VPS26B: variants seen among roughly 807,000 people sequenced by gnomAD.
The protein encoded by VPS26B is VPS26 retromer complex component B.
Under a neutral mutation model 33.3 loss-of-function variants are expected in VPS26B, and 10 were observed. The observed-to-expected ratio is 0.30, with a 90% CI of 0.19 to 0.51. The LOEUF (loss-of-function observed/expected upper bound fraction) is 0.51, where lower values mean the gene tolerates loss of function less well. Among genes scored for constraint, VPS26B ranks in the 20% least tolerant of loss-of-function variants. The pLI, the probability that VPS26B is intolerant of heterozygous loss-of-function variation, is 0.98. For missense variants in VPS26B, 317 were observed against 452.7 expected (o/e 0.70, Z 2.72); for synonymous variants, 190 against 176.9 (o/e 1.07, Z -0.59).
At position 134,244,706 on chromosome 11, in the gene VPS26B, C is replaced by A; in HGVS notation, c.722-232C>A. The stretch of plus-strand genomic sequence containing the variant: ...GACCTGTGCTGTTCCCACTCAGTTG[C>A]TCTCTGTTTTCGAGAAGACATGAGA... On this transcript the variant is annotated intron_variant, in intron 4 of 5. Coordinates refer to ENST00000281187, the MANE Select transcript of VPS26B (RefSeq NM_052875.5). The surrounding 1 kb of genome is among the most constrained non-coding windows in gnomAD (Gnocchi z 4.0). 3 of 522,458 alleles carry A rather than the reference C, an allele frequency of 5.7e-6. No homozygotes were observed. Among genetic ancestry groups the A allele is most frequent in the Non-Finnish European group, 1.0e-5 (3 of 295,832 alleles). 32.4% of individuals were successfully genotyped at this position (522,458 alleles called of 1,614,324 possible).
intron 1 of VPS26B, among the ~76,000 whole-genome samples, chr11:134,232,147 T>G (rs1938563801): frequency 2.7e-5 from 4 of 149,790 alleles, no homozygotes. Flanking sequence ...CTTACTCAGT[T>G]CCTACTTCTA....
At chr11:134,235,908 C>G (rs1356454386) in intron 2 of VPS26B, among the ~76,000 whole-genome samples, 1 of 152,196 alleles carries the variant, frequency 6.6e-6, no homozygotes, top group Non-Finnish European at 1.5e-5. Context: ...ACACCTGATT[C>G]CAGGTCTTGA....
intron 4 of VPS26B, 36 bp downstream of exon 4, chr11:134,243,330 T>C: frequency 6.2e-7 from 1 of 1,611,300 alleles, no homozygotes; most frequent in Non-Finnish European, 8.5e-7. Context: ...CTACCACAGC[T>C]TTTCTCCCAT....
intron 1 of VPS26B, among the ~76,000 whole-genome samples, chr11:134,226,589 G>A (rs1036321018): frequency 6.6e-6 from 1 of 152,296 alleles, no homozygotes; most frequent in South Asian, 2.1e-4. Context: ...TAGGTTAGGA[G>A]TAGAATCACA....
chr11:134,229,024 TGTTTTTTA>T, intron 1 of VPS26B, among the ~76,000 whole-genome samples: 1 of 152,304 alleles, frequency 6.6e-6, no homozygotes, highest in East Asian at 1.9e-4. Context: ...TTATTTTCTT[TGTTTTTTA>T]TTTAAAAAAT....
At chr11:134,243,336 C>G in intron 4 of VPS26B, 42 bp downstream of exon 4, 1 of 1,609,472 alleles carries the variant, frequency 6.2e-7, no homozygotes, top group Non-Finnish European at 8.5e-7. Flanking sequence ...CAGCTTTTCT[C>G]CCATGTCCTG....
At chr11:134,228,166 C>A (rs1281835144) in intron 1 of VPS26B, among the ~76,000 whole-genome samples, 1 of 152,180 alleles carries the variant, frequency 6.6e-6, no homozygotes, top group Non-Finnish European at 1.5e-5. Context: ...ATTAGAATAA[C>A]CTTTGTAGTT....
chr11:134,239,652 G>A, intron 2 of VPS26B: 1 of 334,008 alleles, frequency 3.0e-6, no homozygotes, highest in Non-Finnish European at 5.8e-6. Flanking sequence ...TAGTGGTAAG[G>A]GCCGTGAAAG....
chr11:134,233,062 A>C (rs1247657472), intron 1 of VPS26B, among the ~76,000 whole-genome samples: 1 of 152,202 alleles, frequency 6.6e-6, no homozygotes, highest in Non-Finnish European at 1.5e-5. Flanking sequence ...ATCACTCACT[A>C]ACCAGAATGC....
intron 1 of VPS26B, among the ~76,000 whole-genome samples, chr11:134,228,285 C>T (rs888691878): frequency 2.7e-5 from 4 of 150,694 alleles, no homozygotes; most frequent in African/African-American, 9.8e-5. Flanking sequence ...TTTTCTTAGA[C>T]AACATGTTTC....
Position 134,244,154 on chromosome 11 carries a change from G to A in VPS26B, c.722-784G>A, listed in dbSNP as rs779636799. The A allele has an allele frequency of 6.6e-6, 1 of 152,200 alleles. No individual in the cohort carries two copies. The highest frequency in any genetic ancestry group is 1.5e-5 in the Non-Finnish European group (1 of 68,042). 9.4% of individuals were successfully genotyped at this position (152,200 alleles called of 1,614,324 possible). ...CTCTCTGATGTCCCATTTTGTCACT[G>A]GCTGTGCAAATAGAGCCAGCTGTCA... On this transcript the variant is annotated intron_variant, in intron 4 of 5. Transcript: ENST00000281187. This position sits in a 1 kb window ranked among gnomAD's most constrained non-coding sequence, Gnocchi z 4.0.
chr11:134,232,983 A>G (rs985545490), intron 1 of VPS26B, among the ~76,000 whole-genome samples: 3 of 152,150 alleles, frequency 2.0e-5, no homozygotes, highest in African/African-American at 7.2e-5. Flanking sequence ...GGGGGGCACA[A>G]TTACTGGATT....
intron 2 of VPS26B, among the ~76,000 whole-genome samples, chr11:134,238,037 A>G (rs1938658560): frequency 6.6e-6 from 1 of 152,234 alleles, no homozygotes; most frequent in South Asian, 2.1e-4. Context: ...TGGGGAAATC[A>G]GAATATGTAG....
chr11:134,241,462 C>G (rs1938724363), intron 3 of VPS26B, among the ~76,000 whole-genome samples: 1 of 152,210 alleles, frequency 6.6e-6, no homozygotes, highest in South Asian at 2.1e-4. Flanking sequence ...CACCAGTGAA[C>G]AGAGAGTGAG....
intron 1 of VPS26B, among the ~76,000 whole-genome samples, chr11:134,233,154 G>A (rs953495133): frequency 3.9e-5 from 6 of 152,136 alleles, no homozygotes; most frequent in Admixed American, 1.3e-4. Flanking sequence ...GTAGTTACAC[G>A]GGAAATCAGC....
chr11:134,246,440 G>C lies in VPS26B; in HGVS notation c.*850G>C, dbSNP rs900099259. The C allele has an allele frequency of 6.6e-6, 1 of 152,136 alleles. No homozygotes were observed. Among genetic ancestry groups the C allele is most frequent in the Non-Finnish European group, 1.5e-5 (1 of 68,048 alleles). The allele number at this position is 152,136 out of a possible 1,614,324, so 9.4% of individuals were successfully genotyped here. On this transcript the variant is annotated 3_prime_UTR_variant, in exon 6 of 6. Coordinates refer to ENST00000281187, the MANE Select transcript of VPS26B (RefSeq NM_052875.5). ...CAGCAAGCCCTTAACAAGAGGGCCT[G>C]GTTCCCTGAAGAACCAATCCCAGGA...
At chr11:134,241,943 G>A (rs1354832113) in intron 3 of VPS26B, among the ~76,000 whole-genome samples, 1 of 152,268 alleles carries the variant, frequency 6.6e-6, no homozygotes, top group Admixed American at 6.5e-5. Context: ...AAAGTGTGAG[G>A]TGGCAGCGGA....
In VPS26B at chr11:134,240,794, C is replaced by CGTGT. The variant is rs55726358; in HGVS notation, c.545+670_545+673dup. ...GTGTCCGTGTGTGTGTGTGTGTGTCCGTGTGTGTGTGTGTGTGTGTGTGTG... is the reference window on the plus strand; with the variant it reads ...GTGTCCGTGTGTGTGTGTGTGTGTCCGTGTGTGTGTGTGTGTGTGTGTGTGTGTG... On this transcript the variant is annotated intron_variant, in intron 3 of 5. Coordinates refer to ENST00000281187, the MANE Select transcript of VPS26B (RefSeq NM_052875.5). This position sits in a 1 kb window ranked among gnomAD's most constrained non-coding sequence, Gnocchi z 4.4. Among the ~76,000 whole-genome samples, 38,779 of 138,268 alleles carry CGTGT rather than the reference C, an allele frequency of 0.28. 5,817 individuals carry two copies. The highest frequency in any genetic ancestry group is 0.35 in the Admixed American group (4,776 of 13,752). 90.7% of individuals were successfully genotyped at this position (138,268 alleles called of 152,430 possible). A position where few individuals can be genotyped will look rare whatever the true frequency, so the allele number is the denominator to read the frequency against.
At position 134,240,794 on chromosome 11, in the gene VPS26B, C is replaced by CGTGTGTGTGT. The variant is rs55726358; in HGVS notation, c.545+664_545+673dup. 0.029 allele frequency among the ~76,000 whole-genome samples: 3,987 copies of CGTGTGTGTGT among 138,466 alleles called. 136 individuals are homozygous for CGTGTGTGTGT. The highest frequency in any genetic ancestry group is 0.072 in the African/African-American group (2,630 of 36,396). The allele number at this position is 138,466 out of a possible 152,430, so 90.8% of individuals were successfully genotyped here. On this transcript the variant is annotated intron_variant, in intron 3 of 5. Coordinates refer to ENST00000281187, the MANE Select transcript of VPS26B (RefSeq NM_052875.5). This position sits in a 1 kb window ranked among gnomAD's most constrained non-coding sequence, Gnocchi z 4.4. The stretch of plus-strand genomic sequence containing the variant: ...GTGTCCGTGTGTGTGTGTGTGTGTC[C>CGTGTGTGTGT]GTGTGTGTGTGTGTGTGTGTGTGTG...
Sources: allele counts gnomAD v4.1 joint callset (sites outside exome capture counted in the v4.1 genomes callset), GRCh38; gene constraint gnomAD v4.1.1; non-coding constraint Gnocchi (gnomAD v3.1); transcripts MANE v1.5; gene names NCBI Gene and HGNC (gene_info 2026-07-23, HGNC 2026-07-21).